TMEM127: variants seen among roughly 807,000 people sequenced by gnomAD.
TMEM127 encodes the protein transmembrane protein 127.
In TMEM127, 21 loss-of-function variants were observed where a neutral mutation model predicts 20.1. The observed-to-expected ratio is 1.04, with a 90% CI of 0.74 to 1.50. The LOEUF (loss-of-function observed/expected upper bound fraction) is 1.50, where lower values mean the gene tolerates loss of function less well. Ranked by LOEUF, TMEM127 falls within the 40% of genes most tolerant of loss-of-function variation. TMEM127 has a pLI of 0.00. For missense variants in TMEM127, 303 were observed against 317.4 expected, an observed-to-expected ratio of 0.95 and a Z score of 0.34; for synonymous variants, 150 against 144.7, an observed-to-expected ratio of 1.04 and a Z score of -0.26.
At chr2:96,257,205 T>A (rs1684224025) in intron 2 of TMEM127, among the ~76,000 whole-genome samples, 1 of 152,234 alleles carries the variant, frequency 6.6e-6, no homozygotes, top group African/African-American at 2.4e-5. Flanking sequence ...CTCACGCCTA[T>A]AATCCTGGCA....
chr2:96,253,470 C>T lies in TMEM127; in HGVS notation c.*338G>A, dbSNP rs13022177. The stretch of plus-strand genomic sequence containing the variant: ...TGACACTTGTTTTTGGGACTGTCCG[C>T]TCTCAGCAGCTCTCCAAGGAAAGTC... On this transcript the variant is annotated 3_prime_UTR_variant, in exon 4 of 4. Transcript: ENST00000258439. The surrounding 1 kb of genome is among the most constrained non-coding windows in gnomAD (Gnocchi z 4.3). The T allele has an allele frequency of 0.031, 11,581 of 370,658 alleles. 248 individuals carry two copies. Among genetic ancestry groups the T allele is most frequent in the Admixed American group, 0.044 (1,024 of 23,338 alleles). 23.0% of individuals were successfully genotyped at this position (370,658 alleles called of 1,614,324 possible).
intron 2 of TMEM127, among the ~76,000 whole-genome samples, chr2:96,264,662 G>C (rs527679433): frequency 2.6e-5 from 4 of 152,338 alleles, no homozygotes; most frequent in African/African-American, 9.6e-5. Context: ...CAATGGAACG[G>C]TCTTCCGATT....
chr2:96,254,016 T>A lies in TMEM127; in HGVS notation c.509A>T (p.Tyr170Phe), dbSNP rs2104284684. The A allele has an allele frequency of 2.5e-6, 4 of 1,614,096 alleles. No individual in the cohort carries two copies. The highest frequency in any genetic ancestry group is 3.4e-6 in the Non-Finnish European group (4 of 1,180,010). ...GTAGAAGCTAACGGCGAAGGTGACA[T>A]AGACCTGGGATCCATGGTACTTCTT... ...QHKKYHGSQV[Y>F]VTFAVSFYLV... The change falls in exon 4 of 4, where the codon TAT becomes TTT. Residue 170 changes from tyrosine (Y) to phenylalanine (F), a missense_variant. By Grantham distance (22) the Tyr-to-Phe change is conservative. Transcript: ENST00000258439.
chr2:96,264,566 T>C (rs1684375052), intron 2 of TMEM127, among the ~76,000 whole-genome samples: 3 of 152,154 alleles, frequency 2.0e-5, no homozygotes, highest in Admixed American at 1.3e-4. Flanking sequence ...CCGGAAAGCA[T>C]GATGATGAAC....
In TMEM127 at chr2:96,253,629, G is replaced by A. The variant is rs932134479; in HGVS notation, c.*179C>T. 4.6e-6 allele frequency: 3 copies of A among 658,126 alleles called. No individual in the cohort carries two copies. Among genetic ancestry groups the A allele is most frequent in the African/African-American group, 1.8e-5 (1 of 54,852 alleles). 40.8% of individuals were successfully genotyped at this position (658,126 alleles called of 1,614,324 possible). A position where few individuals can be genotyped will look rare whatever the true frequency, so the allele number is the denominator to read the frequency against. ...CATTATAGAAAACCAGTGGACCTCCGGTTCTGAGAGCAGGGATACTTGGAT... is the reference window on the plus strand; with the variant it reads ...CATTATAGAAAACCAGTGGACCTCCAGTTCTGAGAGCAGGGATACTTGGAT... On this transcript the variant is annotated 3_prime_UTR_variant, in exon 4 of 4. Coordinates refer to ENST00000258439, the MANE Select transcript of TMEM127 (RefSeq NM_017849.4). This position sits in a 1 kb window ranked among gnomAD's most constrained non-coding sequence, Gnocchi z 4.3.
chr2:96,264,805 T>C (rs895215345), intron 2 of TMEM127, among the ~76,000 whole-genome samples: 2 of 152,222 alleles, frequency 1.3e-5, no homozygotes, highest in South Asian at 2.1e-4. Context: ...AAAGAAGCTT[T>C]TCCGTATTTC....
In TMEM127 at chr2:96,265,552, G is replaced by A. The variant is rs1014508751; in HGVS notation, c.-131-40C>T. The A allele has an allele frequency of 7.1e-6, 6 of 841,310 alleles. No homozygotes were observed. The Admixed American group carries it at 2.7e-4, about 38-fold the overall frequency. The allele number at this position is 841,310 out of a possible 1,614,324, so 52.1% of individuals were successfully genotyped here. A position where few individuals can be genotyped will look rare whatever the true frequency, so the allele number is the denominator to read the frequency against. On this transcript the variant is annotated intron_variant, in intron 1 of 3. Coordinates refer to ENST00000258439, the MANE Select transcript of TMEM127 (RefSeq NM_017849.4). ...ACCAGAGGATAGGGGGGTGGGACCC[G>A]GGGCTGACGGAGACGGGGAGGGCTG...
chr2:96,265,002 C>T, intron 2 of TMEM127, 136 bp downstream of exon 2: 1 of 1,429,074 alleles, frequency 7.0e-7, no homozygotes, highest in Non-Finnish European at 9.5e-7. Flanking sequence ...ACAGAGCCAC[C>T]TGGTGGGCAT....
At position 96,254,950 on chromosome 2, in the gene TMEM127, C is replaced by G. The variant is rs369144563; in HGVS notation, c.292G>C (p.Ala98Pro). The change falls in exon 3 of 4, where the codon GCC becomes CCC. Residue 98 changes from alanine (A) to proline (P), a missense_variant. By Grantham distance (27) the Ala-to-Pro change is conservative (BLOSUM62 -1). Coordinates refer to ENST00000258439, the MANE Select transcript of TMEM127 (RefSeq NM_017849.4). ...CACAGGATGCCCAGGAAACAGAAGG[C>G]GGCGATGACCCGCAGGAGCAGCACT... The part of the protein sequence containing the change: ...QTVLLLRVIA[A>P]FCFLGILCSL... 1.2e-6 allele frequency: 2 copies of G among 1,614,084 alleles called. No individual in the cohort carries two copies. The highest frequency in any genetic ancestry group is 1.3e-5 in the African/African-American group (1 of 74,916).
Position 96,249,889 on chromosome 2 carries a change from C to T in TMEM127, c.*3919G>A, listed in dbSNP as rs1466926659. The stretch of plus-strand genomic sequence containing the variant: ...CCTGTGTCCCAGGGTCCTCTCCTTG[C>T]GGCCCTTCACATCCCATGGCTTCTC... On this transcript the variant is annotated 3_prime_UTR_variant, in exon 4 of 4. Transcript: ENST00000258439. 9 of 233,096 alleles carry T rather than the reference C, an allele frequency of 3.9e-5. No homozygotes were observed. The highest frequency in any genetic ancestry group is 1.1e-4 in the Admixed American group (2 of 17,778). The allele number at this position is 233,096 out of a possible 1,614,324, so 14.4% of individuals were successfully genotyped here.
rs17119378 is a variant in TMEM127, at chr2:96,250,842, G to C, written c.*2966C>G. On this transcript the variant is annotated 3_prime_UTR_variant, in exon 4 of 4. Transcript: ENST00000258439. ...AAGATTCATTACCTATGGTTTCAAA[G>C]AAAGTGCAGTTTCTAGGGAGTGAAG... The C allele has an allele frequency of 1.6e-3, 380 of 231,956 alleles. 2 individuals carry two copies. The East Asian group carries it at 0.022, about 14-fold the overall frequency. 14.4% of individuals were successfully genotyped at this position (231,956 alleles called of 1,614,324 possible).
chr2:96,261,808 G>C (rs559387557), intron 2 of TMEM127, among the ~76,000 whole-genome samples: 4 of 152,302 alleles, frequency 2.6e-5, no homozygotes, highest in African/African-American at 9.6e-5. Context: ...TAAAGATGCT[G>C]TTTAGGAGGA....
intron 3 of TMEM127, 129 bp downstream of exon 3, chr2:96,254,704 T>C: frequency 8.2e-7 from 1 of 1,226,646 alleles, no homozygotes; most frequent in East Asian, 2.3e-5. Context: ...TGGGAAAGAC[T>C]GGAGCTTGGC....
chr2:96,255,657 A>T (rs1321598970), intron 2 of TMEM127, among the ~76,000 whole-genome samples: 1 of 152,228 alleles, frequency 6.6e-6, no homozygotes, highest in Non-Finnish European at 1.5e-5. Context: ...TGAAATGATG[A>T]TAGTTTTGGA....
intron 2 of TMEM127, among the ~76,000 whole-genome samples, chr2:96,258,693 G>A (rs988365722): frequency 2.6e-5 from 4 of 152,184 alleles, no homozygotes; most frequent in Non-Finnish European, 4.4e-5. Context: ...CATAGTGCAT[G>A]GGGCCTCACT....
Position 96,249,690 on chromosome 2 carries a change from T to C in TMEM127, c.*4118A>G, listed in dbSNP as rs539944532. On this transcript the variant is annotated 3_prime_UTR_variant, in exon 4 of 4. Transcript: ENST00000258439. ...AAAAATGCAGAGGAAGAGGTAAGAT[T>C]GCAGGCTATTTGAAAACAGGGGCAT... 12 of 233,184 alleles carry C rather than the reference T, an allele frequency of 5.1e-5. No individual in the cohort carries two copies. The highest frequency in any genetic ancestry group is 2.4e-4 in the African/African-American group (11 of 45,464). 14.4% of individuals were successfully genotyped at this position (233,184 alleles called of 1,614,324 possible).
At position 96,256,442 on chromosome 2, in the gene TMEM127, A is replaced by G. The variant is rs531521194; in HGVS notation, c.245-1445T>C. 1.1e-4 allele frequency among the ~76,000 whole-genome samples: 16 copies of G among 149,418 alleles called. No homozygotes were observed. In the East Asian group the frequency reaches 1.2e-3, roughly 11 times the overall value. ...CAAAATTAGCCGGGCGTGGTGGTGC[A>G]TGCCTGTGATCCCAGCTACTTGGGA... On this transcript the variant is annotated intron_variant, in intron 2 of 3. Coordinates refer to ENST00000258439, the MANE Select transcript of TMEM127 (RefSeq NM_017849.4).
intron 2 of TMEM127, among the ~76,000 whole-genome samples, chr2:96,262,899 G>A (rs1034062405): frequency 6.6e-6 from 1 of 152,138 alleles, no homozygotes; most frequent in Non-Finnish European, 1.5e-5. Context: ...GGCTGATCTT[G>A]AACTCCTGAC....
chr2:96,250,636 G>A lies in TMEM127; in HGVS notation c.*3172C>T, dbSNP rs942941369. 4.3e-5 allele frequency: 10 copies of A among 232,958 alleles called. No individual in the cohort carries two copies. Among genetic ancestry groups the A allele is most frequent in the East Asian group, 1.2e-4 (2 of 16,588 alleles). The allele number at this position is 232,958 out of a possible 1,614,324, so 14.4% of individuals were successfully genotyped here. On this transcript the variant is annotated 3_prime_UTR_variant, in exon 4 of 4. Coordinates refer to ENST00000258439, the MANE Select transcript of TMEM127 (RefSeq NM_017849.4). ...AAGAGACCTAAATGGGCTGCTCCCT[G>A]AAGAGAGCCCTCAGCTCTTTTACCG...
Sources: allele counts gnomAD v4.1 joint callset (sites outside exome capture counted in the v4.1 genomes callset), GRCh38; gene constraint gnomAD v4.1.1; non-coding constraint Gnocchi (gnomAD v3.1); transcripts MANE v1.5; gene names NCBI Gene and HGNC (gene_info 2026-07-23, HGNC 2026-07-21).